GMDS: variants seen among roughly 807,000 people sequenced by gnomAD.
GMDS encodes the protein GDP-mannose 4,6-dehydratase, also known as GDP-mannose 4,6 dehydratase.
Under a neutral mutation model 49.9 loss-of-function variants are expected in GMDS, and 20 were observed. The ratio of observed to expected loss-of-function variants is 0.40; its 90% CI spans 0.28 to 0.58. The LOEUF (loss-of-function observed/expected upper bound fraction) is 0.58. Ranked by LOEUF, GMDS falls within the 20% of genes least tolerant of loss-of-function variation. The pLI, the probability that GMDS is intolerant of heterozygous loss-of-function variation, is 0.42. For missense variants in GMDS, 362 were observed against 481.4 expected (o/e 0.75, Z 2.32); for synonymous variants, 177 against 178.6 (o/e 0.99, Z 0.07).
intron 9 of GMDS, among the ~76,000 whole-genome samples, chr6:1,664,802 A>G (rs1764188892): frequency 6.6e-6 from 1 of 152,224 alleles, no homozygotes; most frequent in Non-Finnish European, 1.5e-5. Context: ...ACATGTGGGT[A>G]GAGATTTTTT....
chr6:2,236,141 A>C (rs900987790), intron 1 of GMDS, among the ~76,000 whole-genome samples: 1 of 152,236 alleles, frequency 6.6e-6, no homozygotes, highest in Non-Finnish European at 1.5e-5. Context: ...CCCTTATAAA[A>C]AATTGGGGTT....
chr6:1,810,953 A>G (rs147172806), intron 7 of GMDS, among the ~76,000 whole-genome samples: 376 of 152,250 alleles, frequency 2.5e-3, no homozygotes, highest in African/African-American at 8.5e-3. Flanking sequence ...GTATCTCACA[A>G]TGATACTTAG....
chr6:1,718,598 C>T (rs945065437), intron 9 of GMDS, among the ~76,000 whole-genome samples: 3 of 152,170 alleles, frequency 2.0e-5, no homozygotes, highest in East Asian at 3.9e-4. Flanking sequence ...CCGGCAGCTT[C>T]GCAGCTGCTT....
intron 9 of GMDS, among the ~76,000 whole-genome samples, chr6:1,683,478 G>A (rs1262127519): frequency 2.6e-5 from 4 of 152,128 alleles, no homozygotes; most frequent in South Asian, 4.1e-4. Flanking sequence ...CTGTCATAAT[G>A]GAGAAATTAT....
chr6:2,115,675 C>A, intron 4 of GMDS, 96 bp downstream of exon 4: 1 of 718,506 alleles, frequency 1.4e-6, no homozygotes, highest in South Asian at 1.6e-5. Flanking sequence ...AGACTAAGAC[C>A]AGTGATTATA....
At chr6:1,876,015 C>CAAAAAA (rs112121475) in intron 7 of GMDS, among the ~76,000 whole-genome samples, 1 of 129,258 alleles carries the variant, frequency 7.7e-6, no homozygotes, top group African/African-American at 3.2e-5. Flanking sequence ...AGCACTATCT[C>CAAAAAA]AAAAAAAAAA....
chr6:1,718,395 C>T (rs1766248370), intron 9 of GMDS, among the ~76,000 whole-genome samples: 1 of 152,172 alleles, frequency 6.6e-6, no homozygotes, highest in Admixed American at 6.5e-5. Flanking sequence ...CGTCACCTCC[C>T]CACTACCCTA....
chr6:2,003,197 T>C (rs148367054), intron 4 of GMDS, among the ~76,000 whole-genome samples: 2 of 152,166 alleles, frequency 1.3e-5, no homozygotes, highest in African/African-American at 2.4e-5. Context: ...AGAGAAAACC[T>C]TGACGACAAT....
At chr6:1,853,350 C>G (rs1353913619) in intron 7 of GMDS, among the ~76,000 whole-genome samples, 1 of 150,560 alleles carries the variant, frequency 6.6e-6, no homozygotes, top group Non-Finnish European at 1.5e-5. Context: ...AACCCCGTCT[C>G]TACTAAAAAT....
Position 2,178,351 on chromosome 6 carries a change from G to A in GMDS, c.103-53620C>T, listed in dbSNP as rs115352924. Among the ~76,000 whole-genome samples, 158 of 152,326 alleles carry A rather than the reference G, an allele frequency of 1.0e-3. 1 individual carries two copies. Among genetic ancestry groups the A allele is most frequent in the African/African-American group, 3.6e-3 (150 of 41,566 alleles). ...CAGGAAGCTTACAATCATGGTGGAA[G>A]GAGGTGAAGGGGAAGGAGGCATGTC... On this transcript the variant is annotated intron_variant, in intron 1 of 10. Coordinates refer to ENST00000380815, the MANE Select transcript of GMDS (RefSeq NM_001500.4).
At chr6:2,189,613 A>C (rs1420588527) in intron 1 of GMDS, among the ~76,000 whole-genome samples, 1 of 152,120 alleles carries the variant, frequency 6.6e-6, no homozygotes, top group African/African-American at 2.4e-5. Context: ...TGCACTTCAT[A>C]ATCTCCTGCC....
At chr6:2,124,412 C>T (rs896409297) in intron 2 of GMDS, among the ~76,000 whole-genome samples, 1 of 152,194 alleles carries the variant, frequency 6.6e-6, no homozygotes, top group Non-Finnish European at 1.5e-5. Context: ...TACAGCTTCG[C>T]TTGCACAGGC....
At chr6:1,879,566 C>T (rs981363055) in intron 7 of GMDS, among the ~76,000 whole-genome samples, 1 of 151,118 alleles carries the variant, frequency 6.6e-6, no homozygotes, top group African/African-American at 2.4e-5. Flanking sequence ...ATTCTTATTT[C>T]TTATTATGTT....
intron 1 of GMDS, among the ~76,000 whole-genome samples, chr6:2,184,706 C>A (rs1778701388): frequency 1.3e-5 from 2 of 152,142 alleles, no homozygotes; most frequent in Admixed American, 1.3e-4. Context: ...AAAAAATTTT[C>A]TTTTAAAAAT....
intron 4 of GMDS, among the ~76,000 whole-genome samples, chr6:2,000,718 G>C (rs1331304987): frequency 6.6e-6 from 1 of 152,168 alleles, no homozygotes; most frequent in Non-Finnish European, 1.5e-5. Flanking sequence ...TTGAAGTGCA[G>C]TGGCACAATC....
intron 4 of GMDS, among the ~76,000 whole-genome samples, chr6:2,003,589 G>A (rs1387082094): frequency 1.3e-5 from 2 of 152,134 alleles, no homozygotes; most frequent in South Asian, 2.1e-4. Context: ...GACTTGCTAC[G>A]ACTGAAGAGC....
chr6:1,882,117 TA>T (rs1459768934), intron 7 of GMDS, among the ~76,000 whole-genome samples: 1 of 152,228 alleles, frequency 6.6e-6, no homozygotes, highest in Non-Finnish European at 1.5e-5. Context: ...GGCATGGGCT[TA>T]AAAAACATGG....
At chr6:1,996,398 C>T (rs1766283621) in intron 4 of GMDS, among the ~76,000 whole-genome samples, 1 of 152,156 alleles carries the variant, frequency 6.6e-6, no homozygotes. Context: ...TCTTCCCATT[C>T]TCTTCTTCCC....
chr6:1,743,422 A>G (rs375320625), intron 7 of GMDS, among the ~76,000 whole-genome samples: 4,189 of 149,192 alleles, frequency 0.028, 214 homozygotes, highest in African/African-American at 0.098. Flanking sequence ...GGGCGCCTGT[A>G]GTCCCAGCTA....
Sources: gnomAD v4.1 joint callset for allele counts (sites outside exome capture counted in the v4.1 genomes callset) on GRCh38, gnomAD v4.1.1 for gene constraint, MANE v1.5 for transcripts, NCBI Gene and HGNC (gene_info 2026-07-23, HGNC 2026-07-21) for gene names.